Variants in RASSF3 observed in about 807,000 individuals in gnomAD.
RASSF3 encodes ras association domain-containing protein 3.
A neutral mutation model predicts 19.9 loss-of-function variants in RASSF3; 19 were observed. That is an observed-to-expected ratio of 0.96 (90% confidence interval 0.67 to 1.40). The LOEUF is 1.40. Ranked by LOEUF, RASSF3 falls within the 40% of genes most tolerant of loss-of-function variation. RASSF3 has a pLI of 0.00. For synonymous variants in RASSF3, 110 were observed against 104.2 expected (o/e 1.06, Z -0.34); for missense variants, 306 against 289.8 (o/e 1.06, Z -0.41).
Position 64,662,458 on chromosome 12 carries a change from C to A in RASSF3, c.112-22329C>A, listed in dbSNP as rs113222402. ...AAAAACAAGATAAATGCCTAGATAT[C>A]TGTTAGATTAGTGGTCAGTTGCAAG... On this transcript the variant is annotated intron_variant, in intron 1 of 4. Transcript: ENST00000542104. 8.0e-3 allele frequency among the ~76,000 whole-genome samples: 1,090 copies of A among 136,906 alleles called. 14 individuals carry two copies. Among genetic ancestry groups the A allele is most frequent in the African/African-American group, 0.027 (980 of 36,444 alleles). The allele number at this position is 136,906 out of a possible 152,430, so 89.8% of individuals were successfully genotyped here. A position where few individuals can be genotyped will look rare whatever the true frequency, so the allele number is the denominator to read the frequency against.
At chr12:64,653,057 T>A (rs1308583457) in intron 1 of RASSF3, among the ~76,000 whole-genome samples, 2 of 152,136 alleles carry the variant, frequency 1.3e-5, no homozygotes, top group African/African-American at 4.8e-5. Context: ...TCTCTGTACA[T>A]GTCTGTGTCC....
intron 2 of RASSF3, among the ~76,000 whole-genome samples, chr12:64,571,966 G>A (rs1265428947): frequency 2.0e-5 from 3 of 152,140 alleles, no homozygotes; most frequent in Non-Finnish European, 4.4e-5. Context: ...AGGACAAAGG[G>A]CCTTCCACCA....
chr12:64,579,516 A>AT lies in RASSF3; in HGVS notation c.294+37819dup, dbSNP rs1049073667. 6.4e-4 allele frequency among the ~76,000 whole-genome samples: 97 copies of AT among 151,148 alleles called. 2 individuals are homozygous for AT. Among genetic ancestry groups the AT allele is most frequent in the South Asian group, 1.3e-3 (6 of 4,772 alleles). On this transcript the variant is annotated intron_variant, in intron 2 of 5. Coordinates refer to the RASSF3 transcript ENST00000637125. Reference sequence around the variant, plus strand: ...CAGGTGCCTGCCAACACGCCTGGCTATTTTTTTTGTATTTTTAGTAGAGAC... The same window carrying AT: ...CAGGTGCCTGCCAACACGCCTGGCTATTTTTTTTTGTATTTTTAGTAGAGAC...
intron 1 of RASSF3, among the ~76,000 whole-genome samples, chr12:64,664,731 C>CA (rs1176605645): frequency 4.6e-5 from 7 of 152,004 alleles, no homozygotes; most frequent in Non-Finnish European, 2.9e-5. Context: ...CGGCACTTTC[C>CA]AAAAAACAAA....
chr12:64,540,404 C>G (rs919037828), intron 1 of RASSF3, among the ~76,000 whole-genome samples: 2 of 152,246 alleles, frequency 1.3e-5, no homozygotes, highest in South Asian at 2.1e-4. Context: ...AAAAGTTAAA[C>G]TTAGAATTAC....
intron 1 of RASSF3, among the ~76,000 whole-genome samples, chr12:64,508,081 CATT>C (rs1242223383): frequency 6.6e-6 from 1 of 152,172 alleles, no homozygotes; most frequent in Non-Finnish European, 1.5e-5. Context: ...TCAAAATTCT[CATT>C]ATGTTTCTTT....
At chr12:64,675,915 T>A (rs553842922) in intron 1 of RASSF3, among the ~76,000 whole-genome samples, 64 of 145,294 alleles carry the variant, frequency 4.4e-4, no homozygotes, top group African/African-American at 1.5e-3. Flanking sequence ...TCCTGCCATT[T>A]AAAAAAAAAA....
At chr12:64,573,667 T>G (rs1433519128) in intron 2 of RASSF3, among the ~76,000 whole-genome samples, 3 of 152,222 alleles carry the variant, frequency 2.0e-5, no homozygotes, top group African/African-American at 7.2e-5. Flanking sequence ...AGACAGTTCC[T>G]TGCTATTTGG....
intron 2 of RASSF3, among the ~76,000 whole-genome samples, chr12:64,558,509 G>A (rs936406558): frequency 6.6e-6 from 1 of 152,128 alleles, no homozygotes; most frequent in Non-Finnish European, 1.5e-5. Context: ...GGGCAGTTCT[G>A]GGGGTGTGGT....
chr12:64,513,882 T>A (rs1207607091), intron 1 of RASSF3, among the ~76,000 whole-genome samples: 2 of 151,990 alleles, frequency 1.3e-5, no homozygotes, highest in East Asian at 3.9e-4. Context: ...TTTGTTTGTT[T>A]GTTTGTTTGT....
chr12:64,602,451 C>T (rs1870109334), intron 2 of RASSF3, among the ~76,000 whole-genome samples: 1 of 151,328 alleles, frequency 6.6e-6, no homozygotes, highest in Non-Finnish European at 1.5e-5. Flanking sequence ...CATGGTGGTG[C>T]ACACCTGTAG....
In RASSF3 at chr12:64,694,921, T is replaced by A. The variant is rs769343517; in HGVS notation, c.*9T>A. On this transcript the variant is annotated 3_prime_UTR_variant, in exon 5 of 5. Coordinates refer to ENST00000542104, the MANE Select transcript of RASSF3 (RefSeq NM_178169.4). ...TGTGGAAGCCTGATTAAAGCGGGGC[T>A]CCCTGCCCGTGAGGCCCGGTGCAGG... 7.4e-6 allele frequency: 12 copies of A among 1,613,152 alleles called. No homozygotes were observed. The East Asian group carries it at 2.2e-4, about 30-fold the overall frequency.
intron 2 of RASSF3, among the ~76,000 whole-genome samples, chr12:64,571,237 C>CAAAAAT (rs1250036648): frequency 1.3e-5 from 2 of 151,954 alleles, no homozygotes; most frequent in Non-Finnish European, 2.9e-5. Context: ...AAAATAAAAA[C>CAAAAAT]AAAAATAAAA....
upstream of RASSF3, among the ~76,000 whole-genome samples, chr12:64,532,884 C>A (rs979546524): frequency 6.6e-6 from 1 of 152,114 alleles, no homozygotes; most frequent in African/African-American, 2.4e-5. Flanking sequence ...TTATTTTCCT[C>A]ATTTTAGAGA....
At position 64,696,408 on chromosome 12, in the gene RASSF3, C is replaced by G. The variant is rs1337772485; in HGVS notation, c.*1496C>G. 6.6e-6 allele frequency: 1 copy of G among 152,090 alleles called. No homozygotes were observed. The highest frequency in any genetic ancestry group is 1.5e-5 in the Non-Finnish European group (1 of 68,034). The allele number at this position is 152,090 out of a possible 1,614,324, so 9.4% of individuals were successfully genotyped here. On this transcript the variant is annotated 3_prime_UTR_variant, in exon 5 of 5. Coordinates refer to ENST00000542104, the MANE Select transcript of RASSF3 (RefSeq NM_178169.4). ...CTTCCTTAAAAACAGGCTAAATAAC[C>G]TCATTTTATGCAGCAGTTTAATCTG...
intron 1 of RASSF3, among the ~76,000 whole-genome samples, chr12:64,615,579 C>G (rs1870525805): frequency 6.6e-6 from 1 of 151,898 alleles, no homozygotes; most frequent in Admixed American, 6.6e-5. Context: ...GAGCTGCACT[C>G]TTTTATTAGT....
chr12:64,667,548 A>AAG (rs1872569091), intron 1 of RASSF3, among the ~76,000 whole-genome samples: 1 of 152,206 alleles, frequency 6.6e-6, no homozygotes, highest in Non-Finnish European at 1.5e-5. Flanking sequence ...TCCTATTCTA[A>AAG]ATGAACAGAA....
intron 2 of RASSF3, among the ~76,000 whole-genome samples, chr12:64,599,839 T>C (rs1438169769): frequency 6.6e-6 from 1 of 151,970 alleles, no homozygotes; most frequent in Non-Finnish European, 1.5e-5. Flanking sequence ...GAGACCATCC[T>C]GGCTAACACG....
chr12:64,550,650 G>A (rs556489431), intron 2 of RASSF3, among the ~76,000 whole-genome samples: 4 of 151,368 alleles, frequency 2.6e-5, no homozygotes, highest in South Asian at 4.2e-4. Context: ...GCAAGACTCC[G>A]TCTCCAAAAA....
Sources: allele counts gnomAD v4.1 joint callset (sites outside exome capture counted in the v4.1 genomes callset), GRCh38; gene constraint gnomAD v4.1.1; transcripts MANE v1.5; gene names NCBI Gene and HGNC (gene_info 2026-07-23, HGNC 2026-07-21).